The following CSGALNACT1 variants were observed in gnomAD, a reference collection of about 807,000 sequenced individuals.
The protein encoded by CSGALNACT1 is beta4GalNAcT-1.
A neutral mutation model predicts 51.0 loss-of-function variants in CSGALNACT1; 52 were observed. The observed-to-expected ratio is 1.02, with a 90% CI of 0.82 to 1.29. The LOEUF (loss-of-function observed/expected upper bound fraction) is 1.29. CSGALNACT1 is among the 50% of genes most tolerant of loss of function. The pLI is 0.00. For synonymous variants in CSGALNACT1, 341 were observed against 254.4 expected (o/e 1.34, Z -3.24); for missense variants, 935 against 679.2 (o/e 1.38, Z -4.19).
At chr8:19,426,824 G>C (rs760379892) in intron 6 of CSGALNACT1, among the ~76,000 whole-genome samples, 1 of 152,138 alleles carries the variant, frequency 6.6e-6, no homozygotes, top group Non-Finnish European at 1.5e-5. Flanking sequence ...AAAAACGATA[G>C]ATCTTCCTGT....
intron 1 of CSGALNACT1, among the ~76,000 whole-genome samples, chr8:19,721,338 A>C (rs549205080): frequency 2.6e-5 from 4 of 152,286 alleles, no homozygotes; most frequent in Middle Eastern, 3.4e-3. Flanking sequence ...CCATGTATAG[A>C]AGGATTCTAA....
chr8:19,538,972 A>C (rs919666450), intron 3 of CSGALNACT1, among the ~76,000 whole-genome samples: 1 of 152,170 alleles, frequency 6.6e-6, no homozygotes, highest in Non-Finnish European at 1.5e-5. Context: ...GTCAGCTGAG[A>C]TGGTTTCTCC....
chr8:19,527,093 C>G (rs1057088324), intron 3 of CSGALNACT1, among the ~76,000 whole-genome samples: 4 of 152,110 alleles, frequency 2.6e-5, no homozygotes, highest in Non-Finnish European at 4.4e-5. Flanking sequence ...ATAAGTAAGA[C>G]AGCATTCTTG....
intron 3 of CSGALNACT1, among the ~76,000 whole-genome samples, chr8:19,543,195 A>G (rs531136558): frequency 5.1e-4 from 78 of 152,304 alleles, no homozygotes; most frequent in African/African-American, 1.6e-3. Context: ...GCCCTTATCA[A>G]ATGTGAAGCC....
intron 6 of CSGALNACT1, among the ~76,000 whole-genome samples, chr8:19,427,080 T>G (rs1046524519): frequency 6.6e-6 from 1 of 152,218 alleles, no homozygotes; most frequent in Non-Finnish European, 1.5e-5. Context: ...TATCATCCAA[T>G]TTTTCATAGT....
chr8:19,476,397 C>T (rs1306212267), intron 4 of CSGALNACT1, among the ~76,000 whole-genome samples: 4 of 152,120 alleles, frequency 2.6e-5, no homozygotes, highest in African/African-American at 7.2e-5. Context: ...CCCACCACCA[C>T]GCCTGGCTAA....
intron 8 of CSGALNACT1, among the ~76,000 whole-genome samples, chr8:19,409,776 T>A (rs2055262087): frequency 4.6e-5 from 7 of 152,114 alleles, no homozygotes; most frequent in Admixed American, 4.6e-4. Flanking sequence ...AAACGGTACA[T>A]GAGAGGGGAG....
At chr8:19,583,791 T>A (rs2046073188) in intron 3 of CSGALNACT1, among the ~76,000 whole-genome samples, 2 of 152,222 alleles carry the variant, frequency 1.3e-5, no homozygotes, top group Admixed American at 6.5e-5. Flanking sequence ...GGGTTGGAAC[T>A]GCCAACAAAA....
At chr8:19,673,110 G>A (rs1386149669) in intron 1 of CSGALNACT1, among the ~76,000 whole-genome samples, 4 of 152,190 alleles carry the variant, frequency 2.6e-5, no homozygotes, top group Non-Finnish European at 4.4e-5. Context: ...ACACACACCA[G>A]CAGTGAGAAC....
chr8:19,625,632 C>G (rs2054350985), intron 1 of CSGALNACT1, among the ~76,000 whole-genome samples: 1 of 152,188 alleles, frequency 6.6e-6, no homozygotes, highest in South Asian at 2.1e-4. Flanking sequence ...CCCAAGCTGA[C>G]TCTATACTAT....
intron 3 of CSGALNACT1, among the ~76,000 whole-genome samples, chr8:19,562,481 A>T (rs1206425568): frequency 6.9e-6 from 1 of 145,886 alleles, no homozygotes; most frequent in Non-Finnish European, 1.5e-5. Flanking sequence ...CAGCTTCTGC[A>T]CAGAAAAAAA....
Position 19,522,992 on chromosome 8 carries a change from T to C in CSGALNACT1, c.-296-16862A>G, listed in dbSNP as rs571905974. 1.2e-4 allele frequency among the ~76,000 whole-genome samples: 19 copies of C among 152,326 alleles called. No homozygotes were observed. The South Asian group carries it at 3.9e-3, about 32-fold the overall frequency. The stretch of plus-strand genomic sequence containing the variant: ...AGTTCAAGGCTGCCTAGGAGAGGCA[T>C]AAAATGCCTCCATGTGAAAGATAAG... On this transcript the variant is annotated intron_variant, in intron 3 of 9. Transcript: ENST00000454498.
In CSGALNACT1 at chr8:19,691,481, T is replaced by C. The variant is rs138268084; in HGVS notation, c.-297+66369A>G. Among the ~76,000 whole-genome samples the C allele has an allele frequency of 3.6e-4, 55 of 152,192 alleles. 1 individual carries two copies. In the East Asian group the frequency reaches 0.01, roughly 29 times the overall value. Reference sequence around the variant, plus strand: ...ATTGCCTTCTCATTAGAAAAGAACTTAAGAAAATCACTAGGCCTGTTAGAC... The same window carrying C: ...ATTGCCTTCTCATTAGAAAAGAACTCAAGAAAATCACTAGGCCTGTTAGAC... On this transcript the variant is annotated intron_variant, in intron 1 of 1. Coordinates refer to the CSGALNACT1 transcript ENST00000517494.
chr8:19,465,204 G>A (rs932989665), intron 4 of CSGALNACT1, among the ~76,000 whole-genome samples: 1 of 152,172 alleles, frequency 6.6e-6, no homozygotes, highest in African/African-American at 2.4e-5. Context: ...CAACATGGAT[G>A]AATCGTGCAG....
chr8:19,694,228 G>A (rs2061473132), intron 1 of CSGALNACT1, among the ~76,000 whole-genome samples: 1 of 152,106 alleles, frequency 6.6e-6, no homozygotes, highest in Non-Finnish European at 1.5e-5. Context: ...AGATACAACA[G>A]ATGTACAAAC....
intron 2 of CSGALNACT1, among the ~76,000 whole-genome samples, chr8:19,591,718 G>C (rs2047862428): frequency 6.6e-6 from 1 of 151,806 alleles, no homozygotes; most frequent in African/African-American, 2.4e-5. Flanking sequence ...AAGCCCAGGA[G>C]TTTCAGACAA....
At chr8:19,667,044 A>AAGG (rs1564386999) in intron 1 of CSGALNACT1, among the ~76,000 whole-genome samples, 37 of 56,996 alleles carry the variant, frequency 6.5e-4, no homozygotes, top group South Asian at 1.8e-3. Context: ...AGGAAGGAAG[A>AAGG]AAGAAAGAAA....
chr8:19,582,725 A>G (rs7840477), intron 3 of CSGALNACT1, among the ~76,000 whole-genome samples: 3 of 152,176 alleles, frequency 2.0e-5, no homozygotes, highest in African/African-American at 7.2e-5. Flanking sequence ...CTAAAAAGGA[A>G]GCCACCATAA....
intron 1 of CSGALNACT1, among the ~76,000 whole-genome samples, chr8:19,668,276 C>T (rs1050790438): frequency 2.0e-5 from 3 of 152,096 alleles, no homozygotes; most frequent in African/African-American, 7.2e-5. Flanking sequence ...AGTTTGGGGA[C>T]AGACACCCCT....
Sources: gnomAD v4.1 joint callset for allele counts (sites outside exome capture counted in the v4.1 genomes callset) on GRCh38, gnomAD v4.1.1 for gene constraint, MANE v1.5 for transcripts, NCBI Gene and HGNC (gene_info 2026-07-23, HGNC 2026-07-21) for gene names.